Variants in CRPPA observed in about 807,000 individuals in gnomAD.
The protein encoded by CRPPA is D-ribitol-5-phosphate cytidylyltransferase.
In CRPPA, 43 loss-of-function variants were observed where a neutral mutation model predicts 52.0. The ratio of observed to expected loss-of-function variants is 0.83; its 90% CI spans 0.65 to 1.07. The LOEUF is 1.07. Among genes scored for constraint, CRPPA ranks in the 50% least tolerant of loss-of-function variants. The pLI is 0.00. For synonymous variants in CRPPA, 250 were observed against 203.5 expected, an observed-to-expected ratio of 1.23 and a Z score of -1.94; for missense variants, 629 against 551.7, an observed-to-expected ratio of 1.14 and a Z score of -1.40.
Position 16,289,917 on chromosome 7 carries a change from A to G in CRPPA, c.835+11504T>C, listed in dbSNP as rs1173909171. On this transcript the variant is annotated intron_variant, in intron 5 of 9. Coordinates refer to ENST00000407010, the MANE Select transcript of CRPPA (RefSeq NM_001101426.4). ...TCATAGATGACATAATCTTATATTT[A>G]GAAAAACATAATGACTCCAACAAAA... Among the ~76,000 whole-genome samples the G allele has an allele frequency of 1.3e-5, 2 of 152,316 alleles. 1 individual carries two copies. Among genetic ancestry groups the G allele is most frequent in the East Asian group, 3.9e-4 (2 of 5,186 alleles).
intron 9 of CRPPA, among the ~76,000 whole-genome samples, chr7:16,094,600 T>C (rs921000026): frequency 2.0e-5 from 3 of 152,114 alleles, no homozygotes; most frequent in African/African-American, 7.2e-5. Context: ...TGTGTGTATA[T>C]ACACATTATT....
intron 9 of CRPPA, among the ~76,000 whole-genome samples, chr7:16,210,853 A>G (rs769435970): frequency 2.0e-5 from 3 of 152,182 alleles, no homozygotes; most frequent in Non-Finnish European, 2.9e-5. Flanking sequence ...AGAAAAAAAA[A>G]AAAGGAAAGA....
chr7:16,410,552 T>A (rs1039444221), intron 1 of CRPPA, among the ~76,000 whole-genome samples: 3 of 152,134 alleles, frequency 2.0e-5, no homozygotes, highest in Non-Finnish European at 2.9e-5. Flanking sequence ...TTCCTCTTAC[T>A]CTTCTTAACC....
chr7:16,249,815 C>T (rs960562082), intron 8 of CRPPA, among the ~76,000 whole-genome samples: 6 of 152,126 alleles, frequency 3.9e-5, no homozygotes, highest in Admixed American at 3.3e-4. Flanking sequence ...AACCAGAATG[C>T]CTCTTCTCCT....
intron 3 of CRPPA, among the ~76,000 whole-genome samples, chr7:16,324,937 A>G (rs1785348051): frequency 6.6e-6 from 1 of 152,258 alleles, no homozygotes; most frequent in Non-Finnish European, 1.5e-5. Context: ...GGAAATGTCT[A>G]GATGACAATT....
chr7:16,290,131 G>A (rs1436834166), intron 5 of CRPPA, among the ~76,000 whole-genome samples: 3 of 151,748 alleles, frequency 2.0e-5, no homozygotes, highest in South Asian at 2.1e-4. Context: ...ACTACAAAAC[G>A]CTAATGAAAG....
At chr7:16,336,908 TA>T (rs1785697502) in intron 3 of CRPPA, among the ~76,000 whole-genome samples, 2 of 152,078 alleles carry the variant, frequency 1.3e-5, no homozygotes, top group Admixed American at 6.5e-5. Context: ...TCTATATTAA[TA>T]AAGAGGTTAA....
At chr7:16,389,928 A>AAAAAAAAAAAAAAAAAAAATAT in intron 2 of CRPPA, among the ~76,000 whole-genome samples, 4 of 29,758 alleles carry the variant, frequency 1.3e-4, no homozygotes, top group Admixed American at 5.4e-4. Context: ...AAAAAAAAAA[A>AAAAAAAAAAAAAAAAAAAATAT]ATATATATAT....
In CRPPA at chr7:16,408,124, A is replaced by T. The variant is rs976355863; in HGVS notation, c.258-1787T>A. On this transcript the variant is annotated intron_variant, in intron 1 of 9. Coordinates refer to ENST00000407010, the MANE Select transcript of CRPPA (RefSeq NM_001101426.4). ...CTCTGTCTTTAAAAAAAAAAAAATA[A>T]AAAAATAACTTATCAGCATCGAGGA... Among the ~76,000 whole-genome samples, 22 of 148,308 alleles carry T rather than the reference A, an allele frequency of 1.5e-4. No homozygotes were observed. In the Middle Eastern group the frequency reaches 0.01, roughly 70 times the overall value.
chr7:16,235,805 A>G (rs550709009), intron 8 of CRPPA: 7 of 152,234 alleles, frequency 4.6e-5, no homozygotes, highest in Admixed American at 3.3e-4. Context: ...AAGGGCAAGC[A>G]TTGGCATTAC....
intron 8 of CRPPA, among the ~76,000 whole-genome samples, chr7:16,241,552 T>C (rs1312406646): frequency 6.6e-6 from 1 of 152,148 alleles, no homozygotes; most frequent in Non-Finnish European, 1.5e-5. Flanking sequence ...TATTTTGAAC[T>C]TAGATTTGTT....
intron 5 of CRPPA, among the ~76,000 whole-genome samples, chr7:16,287,035 A>T (rs1312566086): frequency 6.6e-6 from 1 of 152,178 alleles, no homozygotes; most frequent in East Asian, 1.9e-4. Flanking sequence ...TGCTCATGTC[A>T]TACTATATAT....
chr7:16,108,704 A>G (rs181642634), intron 9 of CRPPA, among the ~76,000 whole-genome samples: 1 of 152,062 alleles, frequency 6.6e-6, no homozygotes, highest in African/African-American at 2.4e-5. Flanking sequence ...CTCACATGTT[A>G]GAGCACAAAA....
At chr7:16,134,526 T>G (rs1782730484) in intron 9 of CRPPA, among the ~76,000 whole-genome samples, 1 of 152,194 alleles carries the variant, frequency 6.6e-6, no homozygotes, top group South Asian at 2.1e-4. Context: ...CAGTAAGGCA[T>G]CCGGTCAACA....
chr7:16,137,089 A>C (rs1352058201), intron 9 of CRPPA, among the ~76,000 whole-genome samples: 1 of 152,230 alleles, frequency 6.6e-6, no homozygotes, highest in Admixed American at 6.5e-5. Context: ...GTTGCCCAAA[A>C]TTCATATGTT....
chr7:16,310,489 A>G (rs1462768268), intron 3 of CRPPA, among the ~76,000 whole-genome samples: 4 of 152,210 alleles, frequency 2.6e-5, no homozygotes, highest in Non-Finnish European at 5.9e-5. Context: ...GGCAAAAATA[A>G]AGCACTCGAG....
intron 8 of CRPPA, among the ~76,000 whole-genome samples, chr7:16,236,954 A>ACG (rs1438087410): frequency 6.6e-6 from 1 of 151,664 alleles, no homozygotes; most frequent in Non-Finnish European, 1.5e-5. Flanking sequence ...GCGCGCGCAC[A>ACG]CACACACACA....
intron 3 of CRPPA, among the ~76,000 whole-genome samples, chr7:16,356,306 C>G (rs1045903645): frequency 1.3e-5 from 2 of 152,170 alleles, no homozygotes; most frequent in Non-Finnish European, 2.9e-5. Context: ...AATACCACAA[C>G]TCAGAAATAT....
intron 9 of CRPPA, among the ~76,000 whole-genome samples, chr7:16,155,438 A>G (rs1783159915): frequency 6.6e-6 from 1 of 152,140 alleles, no homozygotes; most frequent in Non-Finnish European, 1.5e-5. Flanking sequence ...TTTTTTCAAT[A>G]CAAGTTACAC....
Sources: allele counts gnomAD v4.1 joint callset (sites outside exome capture counted in the v4.1 genomes callset), GRCh38; gene constraint gnomAD v4.1.1; transcripts MANE v1.5; gene names NCBI Gene and HGNC (gene_info 2026-07-23, HGNC 2026-07-21).